ACTR3: variants seen among roughly 807,000 people sequenced by gnomAD.
ACTR3 encodes the protein actin-related protein 3.
Under a neutral mutation model 56.8 loss-of-function variants are expected in ACTR3, and 12 were observed. The observed-to-expected ratio is 0.21, with a 90% CI of 0.14 to 0.34. The LOEUF is 0.34. Ranked by LOEUF, ACTR3 falls within the 10% of genes least tolerant of loss-of-function variation. The probability of loss-of-function intolerance (pLI) is 1.00; values close to 1 mark genes in which losing one functional copy is unlikely to be tolerated. For missense variants in ACTR3, 282 were observed against 512.5 expected, an observed-to-expected ratio of 0.55 and a Z score of 4.34; for synonymous variants, 162 against 167.4, an observed-to-expected ratio of 0.97 and a Z score of 0.25.
At chr2:113,897,527 T>A (rs55652701) in intron 1 of ACTR3, among the ~76,000 whole-genome samples, 55 of 138,722 alleles carry the variant, frequency 4.0e-4, no homozygotes, top group Non-Finnish European at 7.2e-4. Flanking sequence ...TATTTTTTTT[T>A]TTTTTTTTTT....
intron 8 of ACTR3, 52 bp from the exon 9 acceptor site, chr2:113,951,427 A>C: frequency 1.6e-6 from 2 of 1,262,680 alleles, no homozygotes; most frequent in Non-Finnish European, 1.1e-6. Flanking sequence ...TTTTATTGTG[A>C]TATTTGTCAG....
chr2:113,947,911 A>G (rs981415991), intron 8 of ACTR3, among the ~76,000 whole-genome samples: 6 of 152,104 alleles, frequency 3.9e-5, no homozygotes, highest in Non-Finnish European at 8.8e-5. Context: ...CTCTTTTTAA[A>G]AAACCTGTTT....
intron 8 of ACTR3, among the ~76,000 whole-genome samples, chr2:113,944,722 A>G (rs892411196): frequency 6.6e-6 from 1 of 151,930 alleles, no homozygotes; most frequent in Admixed American, 6.6e-5. Flanking sequence ...AGATCACGCC[A>G]CTGCACTCCA....
chr2:113,935,077 G>A (rs1189636565), intron 6 of ACTR3, among the ~76,000 whole-genome samples: 1 of 151,138 alleles, frequency 6.6e-6, no homozygotes, highest in Admixed American at 6.6e-5. Flanking sequence ...TAATGCATCA[G>A]GCAATGTCTG....
At chr2:113,942,123 C>G (rs1679934614) in intron 7 of ACTR3, 63 bp from the exon 8 acceptor site, 1 of 1,262,836 alleles carries the variant, frequency 7.9e-7, no homozygotes, top group East Asian at 2.7e-5. Context: ...TGAAAACATG[C>G]CATTCTTCTT....
intron 8 of ACTR3, 25 bp from the exon 9 acceptor site, chr2:113,951,452 CTA>C: frequency 6.8e-7 from 1 of 1,468,300 alleles, no homozygotes; most frequent in Middle Eastern, 1.7e-4. Flanking sequence ...GATATGATCT[CTA>C]TTATATATCC....
intron 5 of ACTR3, 125 bp from the exon 6 acceptor site, chr2:113,934,154 A>G: frequency 3.1e-6 from 2 of 650,028 alleles, no homozygotes; most frequent in Non-Finnish European, 5.3e-6. Flanking sequence ...TTTTCTTTCC[A>G]CAGATACTAC....
chr2:113,904,277 C>T (rs890873101), intron 1 of ACTR3: 1 of 152,100 alleles, frequency 6.6e-6, no homozygotes, highest in African/African-American at 2.4e-5. Context: ...CCTTTATTTT[C>T]ATTTATCTGG....
intron 6 of ACTR3, among the ~76,000 whole-genome samples, chr2:113,937,469 A>G (rs939127978): frequency 3.3e-5 from 5 of 152,348 alleles, no homozygotes; most frequent in Non-Finnish European, 5.9e-5. Flanking sequence ...GTGAAGGTCC[A>G]GATTTCCACC....
Position 113,942,289 on chromosome 2 carries a change from C to G in ACTR3, c.788C>G (p.Ser263Ter). ...CAGTATACTGGAATCAATGCTATCT[C>G]AAAGAAAGAGTTTTCTATCGATGTT... ...IKQYTGINAI[S>*]KKEFSIDVGY... Residue 263 changes from serine (S) to a stop codon, truncating the protein, a stop_gained, in exon 8 of 12, where the codon TCA becomes TGA. Transcript: ENST00000263238. LOFTEE classifies it high-confidence loss of function. 1 of 1,603,402 alleles carries G rather than the reference C, an allele frequency of 6.2e-7. No homozygotes were observed. Among genetic ancestry groups the G allele is most frequent in the Non-Finnish European group, 8.5e-7 (1 of 1,175,744 alleles).
At chr2:113,896,150 A>G (rs1355174557) in intron 1 of ACTR3, among the ~76,000 whole-genome samples, 2 of 152,220 alleles carry the variant, frequency 1.3e-5, no homozygotes, top group African/African-American at 4.8e-5. Flanking sequence ...GTGAGCCACC[A>G]TGCCCAGTTT....
At chr2:113,942,100 G>A (rs1275595840) in intron 7 of ACTR3, 86 bp from the exon 8 acceptor site, 12 of 1,043,260 alleles carry the variant, frequency 1.2e-5, no homozygotes, top group African/African-American at 1.7e-5. Context: ...TTTTTTATTG[G>A]ATTATAGTTT....
chr2:113,915,373 G>T (rs1053756813), intron 2 of ACTR3, among the ~76,000 whole-genome samples: 17 of 152,138 alleles, frequency 1.1e-4, no homozygotes, highest in Non-Finnish European at 2.2e-4. Flanking sequence ...CTGTATCTGT[G>T]TTCAAATTTT....
At chr2:113,892,346 A>G (rs953398249) in intron 1 of ACTR3, among the ~76,000 whole-genome samples, 4 of 152,234 alleles carry the variant, frequency 2.6e-5, no homozygotes, top group African/African-American at 4.8e-5. Flanking sequence ...AAGTTATTAC[A>G]TTGGTTTCTC....
chr2:113,891,519 GT>G (rs968444149), intron 1 of ACTR3, among the ~76,000 whole-genome samples: 2 of 149,070 alleles, frequency 1.3e-5, no homozygotes, highest in Admixed American at 6.7e-5. Flanking sequence ...TAGGAAAGTG[GT>G]TTTTTTTTCT....
chr2:113,942,957 TAAG>T (rs368667188), intron 8 of ACTR3, among the ~76,000 whole-genome samples: 1 of 152,350 alleles, frequency 6.6e-6, no homozygotes, highest in African/African-American at 2.4e-5. Flanking sequence ...TATTTAATGT[TAAG>T]AATAGTTATT....
At chr2:113,894,165 C>T (rs1295443190) in intron 1 of ACTR3, among the ~76,000 whole-genome samples, 1 of 151,886 alleles carries the variant, frequency 6.6e-6, no homozygotes, top group Non-Finnish European at 1.5e-5. Context: ...TCTTGGCTCA[C>T]TGCAACCTCC....
intron 7 of ACTR3, among the ~76,000 whole-genome samples, chr2:113,940,845 G>C: frequency 6.8e-6 from 1 of 147,336 alleles, no homozygotes; most frequent in Non-Finnish European, 1.5e-5. Context: ...TGTAGAGATG[G>C]GATCTTGTTC....
At chr2:113,940,595 G>A (rs1242508145) in intron 7 of ACTR3, among the ~76,000 whole-genome samples, 1 of 151,970 alleles carries the variant, frequency 6.6e-6, no homozygotes, top group Non-Finnish European at 1.5e-5. Flanking sequence ...ATTTTTTTCT[G>A]CCATGTAAGT....
Sources: gnomAD v4.1 joint callset for allele counts (sites outside exome capture counted in the v4.1 genomes callset) on GRCh38, gnomAD v4.1.1 for gene constraint, MANE v1.5 for transcripts, NCBI Gene and HGNC (gene_info 2026-07-23, HGNC 2026-07-21) for gene names.